SKAP2: variants seen among roughly 807,000 people sequenced by gnomAD.
The protein encoded by SKAP2 is src kinase associated phosphoprotein 2, also known as src kinase-associated phosphoprotein 2.
In SKAP2, 28 loss-of-function variants were observed where a neutral mutation model predicts 54.9. The ratio of observed to expected loss-of-function variants is 0.51; its 90% CI spans 0.38 to 0.70. The LOEUF (loss-of-function observed/expected upper bound fraction) is 0.70. SKAP2 is among the 30% of genes least tolerant of loss of function. The pLI, the probability that SKAP2 is intolerant of heterozygous loss-of-function variation, is 0.00. For synonymous variants in SKAP2, 137 were observed against 134.3 expected (o/e 1.02, Z -0.14); for missense variants, 356 against 424.1 (o/e 0.84, Z 1.41).
intron 11 of SKAP2, among the ~76,000 whole-genome samples, chr7:26,678,383 C>T (rs2128085468): frequency 1.3e-5 from 2 of 152,154 alleles, no homozygotes; most frequent in East Asian, 3.9e-4. Flanking sequence ...CTTATCTTCT[C>T]CCAAAGAGAA....
At chr7:26,779,166 A>G (rs2127977642) in intron 4 of SKAP2, among the ~76,000 whole-genome samples, 1 of 152,182 alleles carries the variant, frequency 6.6e-6, no homozygotes, top group African/African-American at 2.4e-5. Flanking sequence ...AAAATGTCTG[A>G]TGGGGGCATC....
chr7:26,795,445 T>C (rs1299799325), intron 4 of SKAP2, among the ~76,000 whole-genome samples: 1 of 152,164 alleles, frequency 6.6e-6, no homozygotes, highest in East Asian at 1.9e-4. Flanking sequence ...AACTTCTAAG[T>C]GGATTTTTGA....
intron 4 of SKAP2, among the ~76,000 whole-genome samples, chr7:26,841,702 CAGACTT>C (rs752511076): frequency 6.6e-5 from 10 of 151,978 alleles, no homozygotes; most frequent in Non-Finnish European, 1.3e-4. Flanking sequence ...AAGCAAAAGA[CAGACTT>C]AGAATGCACA....
intron 4 of SKAP2, chr7:26,746,747 T>G (rs538031129): frequency 6.6e-6 from 1 of 151,782 alleles, no homozygotes; most frequent in Non-Finnish European, 1.5e-5. Context: ...TCATGAAATA[T>G]ATCCACACTA....
At position 26,859,219 on chromosome 7, in the gene SKAP2, C is replaced by G. The variant is rs546097766; in HGVS notation, c.68-4329G>C. ...TGCTTTCATTGAGATGTGCTGTCAC[C>G]AAACTTAATATGATAGGGATCCTAC... is the stretch of plus-strand genomic sequence containing the variant. On this transcript the variant is annotated intron_variant, in intron 1 of 12. Transcript: ENST00000345317. Among the ~76,000 whole-genome samples, 9 of 150,942 alleles carry G rather than the reference C, an allele frequency of 6.0e-5. No homozygotes were observed. In the East Asian group the frequency reaches 1.6e-3, roughly 26 times the overall value.
intron 4 of SKAP2, among the ~76,000 whole-genome samples, chr7:26,766,381 TG>T (rs1783055261): frequency 6.6e-6 from 1 of 152,210 alleles, no homozygotes; most frequent in Non-Finnish European, 1.5e-5. Flanking sequence ...GCTCAGACGA[TG>T]GGGTTTTCTA....
intron 4 of SKAP2, among the ~76,000 whole-genome samples, chr7:26,787,611 GCCA>G (rs1019601989): frequency 2.7e-4 from 41 of 152,116 alleles, no homozygotes; most frequent in African/African-American, 8.5e-4. Flanking sequence ...ACAGGCGTGA[GCCA>G]CCACACCTGG....
At chr7:26,749,062 A>T (rs903174529) in intron 4 of SKAP2, among the ~76,000 whole-genome samples, 2 of 152,196 alleles carry the variant, frequency 1.3e-5, no homozygotes, top group African/African-American at 4.8e-5. Flanking sequence ...TAGTATTTTT[A>T]AAAGGCAACT....
chr7:26,863,408 T>G (rs569210367), intron 1 of SKAP2, among the ~76,000 whole-genome samples: 46 of 152,290 alleles, frequency 3.0e-4, no homozygotes, highest in East Asian at 1.9e-4. Context: ...AAATTCAGTT[T>G]CCAGAATTCT....
intron 6 of SKAP2, among the ~76,000 whole-genome samples, chr7:26,728,751 G>A (rs1787762391): frequency 6.6e-6 from 1 of 152,122 alleles, no homozygotes. Context: ...TGGAAGTAAT[G>A]TGAGGCAAAA....
chr7:26,696,852 G>C (rs2127944391), intron 9 of SKAP2, among the ~76,000 whole-genome samples: 1 of 152,236 alleles, frequency 6.6e-6, no homozygotes, highest in East Asian at 1.9e-4. Context: ...AGTTTATAGT[G>C]AGCAAAGATC....
chr7:26,845,539 T>C lies in SKAP2; in HGVS notation c.200-1402A>G, dbSNP rs554987725. Among the ~76,000 whole-genome samples the C allele has an allele frequency of 9.7e-4, 148 of 152,304 alleles. 1 individual carries two copies. The highest frequency in any genetic ancestry group is 3.4e-3 in the African/African-American group (143 of 41,558). On this transcript the variant is annotated intron_variant, in intron 3 of 12. Coordinates refer to ENST00000345317, the MANE Select transcript of SKAP2 (RefSeq NM_003930.5). Reference sequence around the variant, plus strand: ...GTTAAAATTCTAAGGAACACATAAATACTACTCATTCTTTGGAACTTAATT... The same window carrying C: ...GTTAAAATTCTAAGGAACACATAAACACTACTCATTCTTTGGAACTTAATT...
chr7:26,726,438 T>C (rs1027210887), intron 7 of SKAP2, among the ~76,000 whole-genome samples: 2 of 152,180 alleles, frequency 1.3e-5, no homozygotes, highest in African/African-American at 4.8e-5. Context: ...TATTGATGCC[T>C]AGCTGATAGC....
chr7:26,808,785 C>T (rs767011536), intron 4 of SKAP2, among the ~76,000 whole-genome samples: 26 of 152,212 alleles, frequency 1.7e-4, no homozygotes, highest in Admixed American at 4.6e-4. Context: ...ACAATGCCTA[C>T]GGCAAAAATC....
intron 9 of SKAP2, among the ~76,000 whole-genome samples, chr7:26,711,458 A>G (rs1279723035): frequency 6.6e-6 from 1 of 152,220 alleles, no homozygotes; most frequent in Non-Finnish European, 1.5e-5. Context: ...AAAAATGAAA[A>G]GCCACATCAA....
intron 4 of SKAP2, among the ~76,000 whole-genome samples, chr7:26,754,225 G>A (rs569065564): frequency 6.6e-6 from 1 of 151,910 alleles, no homozygotes; most frequent in Admixed American, 6.6e-5. Context: ...TTAGCAGGGC[G>A]TGGTGGCGTA....
intron 4 of SKAP2, among the ~76,000 whole-genome samples, chr7:26,791,830 T>C (rs1783678529): frequency 6.6e-6 from 1 of 152,176 alleles, no homozygotes; most frequent in South Asian, 2.1e-4. Flanking sequence ...ACATGTATCA[T>C]AGGATACAGC....
At chr7:26,767,110 G>C (rs1279672819) in intron 4 of SKAP2, among the ~76,000 whole-genome samples, 1 of 152,002 alleles carries the variant, frequency 6.6e-6, no homozygotes, top group East Asian at 1.9e-4. Context: ...GGATTTTTTT[G>C]GCTGGTAGGC....
At chr7:26,766,629 A>G (rs1783062797) in intron 4 of SKAP2, among the ~76,000 whole-genome samples, 1 of 152,116 alleles carries the variant, frequency 6.6e-6, no homozygotes, top group South Asian at 2.1e-4. Flanking sequence ...AGCTCTTACT[A>G]TTTTGAGATA....
Sources: allele counts gnomAD v4.1 joint callset (sites outside exome capture counted in the v4.1 genomes callset), GRCh38; gene constraint gnomAD v4.1.1; transcripts MANE v1.5; gene names NCBI Gene and HGNC (gene_info 2026-07-23, HGNC 2026-07-21).